The following SGCZ variants were observed in gnomAD, a reference collection of about 807,000 sequenced individuals.
SGCZ encodes the protein zeta-sarcoglycan.
A neutral mutation model predicts 41.3 loss-of-function variants in SGCZ; 40 were observed. The observed-to-expected ratio is 0.97, with a 90% CI of 0.75 to 1.26. The LOEUF is 1.26. Ranked by LOEUF, SGCZ falls within the 50% of genes most tolerant of loss-of-function variation. The pLI, the probability that SGCZ is intolerant of heterozygous loss-of-function variation, is 0.00. For missense variants in SGCZ, 552 were observed against 369.8 expected, an observed-to-expected ratio of 1.49 and a Z score of -4.04; for synonymous variants, 206 against 137.5, an observed-to-expected ratio of 1.50 and a Z score of -3.49.
At chr8:14,442,365 G>A (rs1018582487) in intron 2 of SGCZ, among the ~76,000 whole-genome samples, 2 of 152,126 alleles carry the variant, frequency 1.3e-5, no homozygotes, top group Non-Finnish European at 2.9e-5. Context: ...AAGTGACTTT[G>A]CTCCTCCTTT....
chr8:14,429,934 T>C (rs1453596390), intron 2 of SGCZ, among the ~76,000 whole-genome samples: 1 of 152,162 alleles, frequency 6.6e-6, no homozygotes, highest in Non-Finnish European at 1.5e-5. Context: ...AGTTTTCTAA[T>C]TTGTGCACAT....
chr8:15,138,989 T>C (rs143068743), intron 1 of SGCZ, among the ~76,000 whole-genome samples: 36 of 152,314 alleles, frequency 2.4e-4, no homozygotes, highest in African/African-American at 8.7e-4. Context: ...TATTTTTAAA[T>C]AGATGGACAC....
intron 1 of SGCZ, among the ~76,000 whole-genome samples, chr8:14,595,783 T>C (rs1453557324): frequency 6.6e-6 from 1 of 152,126 alleles, no homozygotes; most frequent in Non-Finnish European, 1.5e-5. Flanking sequence ...AAAACACGGG[T>C]GCTGCCTTAT....
intron 2 of SGCZ, among the ~76,000 whole-genome samples, chr8:14,430,963 A>G (rs537853502): frequency 2.1e-4 from 32 of 152,314 alleles, no homozygotes; most frequent in African/African-American, 7.5e-4. Context: ...AAAAATTAAA[A>G]TACTTAGGAA....
At chr8:14,652,137 G>A (rs755819437) in intron 1 of SGCZ, among the ~76,000 whole-genome samples, 1 of 151,822 alleles carries the variant, frequency 6.6e-6, no homozygotes, top group East Asian at 1.9e-4. Context: ...TTATGGTAGT[G>A]AGAAATACAT....
intron 4 of SGCZ, among the ~76,000 whole-genome samples, chr8:14,230,840 G>T (rs890893246): frequency 2.0e-5 from 3 of 151,288 alleles, no homozygotes; most frequent in African/African-American, 7.3e-5. Context: ...GTTTGATATG[G>T]TGCAATTTTG....
intron 1 of SGCZ, among the ~76,000 whole-genome samples, chr8:15,186,262 C>CAAAAAAAAAAAAAAAAAAAAAAAAA (rs61237091): frequency 1.2e-5 from 1 of 80,718 alleles, no homozygotes; most frequent in African/African-American, 6.5e-5. Flanking sequence ...GATTCCGTAC[C>CAAAAAAAAAAAAAAAAAAAAAAAAA]AAAAAAAAAA....
At chr8:14,475,669 C>A (rs1202213454) in intron 2 of SGCZ, among the ~76,000 whole-genome samples, 1 of 152,070 alleles carries the variant, frequency 6.6e-6, no homozygotes, top group African/African-American at 2.4e-5. Context: ...CTTTCAGAAT[C>A]TTTTAATGAG....
intron 1 of SGCZ, among the ~76,000 whole-genome samples, chr8:14,715,534 C>CCACACACA (rs3069627): frequency 0.053 from 7,123 of 133,330 alleles, 492 homozygotes; most frequent in African/African-American, 0.17. Context: ...ATATCCTCCA[C>CCACACACA]CACACACACA....
chr8:14,875,879 C>T (rs1804340536), intron 1 of SGCZ, among the ~76,000 whole-genome samples: 1 of 152,104 alleles, frequency 6.6e-6, no homozygotes, highest in Non-Finnish European at 1.5e-5. Flanking sequence ...CACCCTAATC[C>T]AAAGTTGTCT....
intron 2 of SGCZ, among the ~76,000 whole-genome samples, chr8:14,414,126 A>C (rs1799432723): frequency 6.6e-6 from 1 of 151,972 alleles, no homozygotes; most frequent in South Asian, 2.1e-4. Context: ...TTGCACATGA[A>C]TTTAAGAGAT....
chr8:14,094,020 T>G (rs1801768105), intron 7 of SGCZ, among the ~76,000 whole-genome samples: 1 of 152,066 alleles, frequency 6.6e-6, no homozygotes, highest in Non-Finnish European at 1.5e-5. Context: ...TGCCTTTTCT[T>G]CACCTTGAAC....
At chr8:14,323,641 A>G (rs1802002901) in intron 3 of SGCZ, among the ~76,000 whole-genome samples, 1 of 152,176 alleles carries the variant, frequency 6.6e-6, no homozygotes. Context: ...CTTGTTTTAC[A>G]TCACGTACAT....
chr8:14,358,266 A>T (rs993107623), intron 2 of SGCZ, among the ~76,000 whole-genome samples: 1 of 152,186 alleles, frequency 6.6e-6, no homozygotes, highest in African/African-American at 2.4e-5. Flanking sequence ...ATATTTTTAG[A>T]TTGATATTTT....
At chr8:14,949,152 AGC>A (rs1800548661) in intron 1 of SGCZ, among the ~76,000 whole-genome samples, 1 of 152,182 alleles carries the variant, frequency 6.6e-6, no homozygotes, top group African/African-American at 2.4e-5. Context: ...TAATTAAAAT[AGC>A]AGTATATATA....
chr8:14,709,337 C>T (rs1809440052), intron 1 of SGCZ, among the ~76,000 whole-genome samples: 1 of 152,050 alleles, frequency 6.6e-6, no homozygotes, highest in African/African-American at 2.4e-5. Context: ...AGCTACATGC[C>T]CCACCTCATT....
chr8:15,016,459 G>A (rs1422789941), intron 1 of SGCZ, among the ~76,000 whole-genome samples: 2 of 152,162 alleles, frequency 1.3e-5, no homozygotes, highest in Admixed American at 1.3e-4. Flanking sequence ...CTCTTGGCAG[G>A]ATCCCAATAG....
At chr8:14,132,434 T>C (rs533194192) in intron 5 of SGCZ, among the ~76,000 whole-genome samples, 24 of 152,330 alleles carry the variant, frequency 1.6e-4, no homozygotes, top group Non-Finnish European at 2.8e-4. Flanking sequence ...CTTCCAGCTA[T>C]CCAAAGTCCT....
intron 1 of SGCZ, among the ~76,000 whole-genome samples, chr8:14,826,938 A>C (rs538760699): frequency 7.9e-5 from 12 of 152,110 alleles, no homozygotes; most frequent in African/African-American, 2.4e-4. Context: ...CTTTAGTTTA[A>C]TTAGATCCCA....
Sources: allele counts gnomAD v4.1 joint callset (sites outside exome capture counted in the v4.1 genomes callset), GRCh38; gene constraint gnomAD v4.1.1; transcripts MANE v1.5; gene names NCBI Gene and HGNC (gene_info 2026-07-23, HGNC 2026-07-21).